The following ZFP36L1 variants were observed in gnomAD, a reference collection of about 807,000 sequenced individuals.
The protein encoded by ZFP36L1 is mRNA decay activator protein ZFP36L1.
ZFP36L1 carries 4 observed loss-of-function variants against 16.7 expected under a neutral mutation model. That is an observed-to-expected ratio of 0.24 (90% CI 0.12 to 0.55). ZFP36L1 has a LOEUF of 0.55. ZFP36L1 is among the 20% of genes least tolerant of loss of function. ZFP36L1 has a pLI of 0.94. For missense variants in ZFP36L1, 311 were observed against 449.2 expected (o/e 0.69, Z 2.78); for synonymous variants, 220 against 190.8 (o/e 1.15, Z -1.26).
chr14:68,796,083 C>T, upstream of ZFP36L1: 1 of 1,357,544 alleles, frequency 7.4e-7, no homozygotes, highest in Non-Finnish European at 9.8e-7. Context: ...ACCTGCACTG[C>T]CGCTTCCGAC....
At chr14:68,792,695 T>C (rs1029277200) in intron 1 of ZFP36L1, among the ~76,000 whole-genome samples, 187 bp downstream of exon 1, 2 of 152,196 alleles carry the variant, frequency 1.3e-5, no homozygotes, top group Admixed American at 6.5e-5. Context: ...CCAGCAACTG[T>C]TGAAACTCAA....
intron 1 of ZFP36L1, chr14:68,791,242 T>G (rs575239381): frequency 1.8e-6 from 1 of 557,106 alleles, no homozygotes; most frequent in East Asian, 3.0e-5. Context: ...GCCTTTGCAA[T>G]TAGTCTTTTG....
Position 68,792,997 on chromosome 14 carries a change from G to A in ZFP36L1, c.-59C>T, listed in dbSNP as rs749380861. The A allele has an allele frequency of 1.2e-6, 2 of 1,610,482 alleles. No homozygotes were observed. The highest frequency in any genetic ancestry group is 1.7e-4 in the Middle Eastern group (1 of 6,038). On this transcript the variant is annotated 5_prime_UTR_variant, in exon 1 of 2. Transcript: ENST00000439696. ...TGGTGTGTCGCGAAGGTCCCGGTGC[G>A]GGGAAGGCGCAGCCTCTCCTGTCTG... is the stretch of plus-strand genomic sequence containing the variant.
rs1054528998 is a variant in ZFP36L1 at position 68,789,240 on chromosome 14, G to T, written c.*293C>A. ...TAAGGCTTAAGCCGGAAAAAAAAAG[G>T]CATCTACTGACAAAATATGGGACTT... is the stretch of plus-strand genomic sequence containing the variant. On this transcript the variant is annotated 3_prime_UTR_variant, in exon 2 of 2. Transcript: ENST00000439696. This position sits in a 1 kb window ranked among gnomAD's most constrained non-coding sequence, Gnocchi z 4.5. 4 of 386,188 alleles carry T rather than the reference G, an allele frequency of 1.0e-5. No individual in the cohort carries two copies. Among genetic ancestry groups the T allele is most frequent in the Non-Finnish European group, 1.4e-5 (3 of 212,508 alleles). 23.9% of individuals were successfully genotyped at this position (386,188 alleles called of 1,614,324 possible).
chr14:68,795,047 A>C (rs763627805), upstream of ZFP36L1, among the ~76,000 whole-genome samples: 5 of 152,138 alleles, frequency 3.3e-5, no homozygotes, highest in African/African-American at 4.8e-5. Context: ...CAAGCGCCAG[A>C]AAGGGAAATA....
rs529200428 is a variant in ZFP36L1 at position 68,792,944 on chromosome 14, G to A, written c.-6C>T. Reference sequence around the variant, plus strand: ...GACACGAGGGTGGTGGTCATCCTGTGCGTTCGCGCGAGCCAGGGGCGAGGA... The same window carrying A: ...GACACGAGGGTGGTGGTCATCCTGTACGTTCGCGCGAGCCAGGGGCGAGGA... On this transcript the variant is annotated 5_prime_UTR_variant, in exon 1 of 2. Coordinates refer to ENST00000439696, the MANE Select transcript of ZFP36L1 (RefSeq NM_004926.4). 1.9e-6 allele frequency: 3 copies of A among 1,613,922 alleles called. No individual in the cohort carries two copies. Among genetic ancestry groups the A allele is most frequent in the East Asian group, 2.2e-5 (1 of 44,848 alleles).
At chr14:68,795,763 A>G (rs754939888), upstream of ZFP36L1, 3 of 533,950 alleles carry the variant, frequency 5.6e-6, no homozygotes, top group Non-Finnish European at 1.2e-5. Context: ...CTCTATAATT[A>G]AACTCTTTTT....
intron 1 of ZFP36L1, 103 bp from the exon 2 acceptor site, chr14:68,790,595 G>A: frequency 6.8e-7 from 1 of 1,474,330 alleles, no homozygotes; most frequent in Non-Finnish European, 9.2e-7. Context: ...CTTTCTCAAA[G>A]AACTCATCTC....
chr14:68,793,898 T>C (rs1895180318), upstream of ZFP36L1: 2 of 984,736 alleles, frequency 2.0e-6, no homozygotes. Flanking sequence ...CGCGCTCGCT[T>C]TGCAGCCGGC....
intron 1 of ZFP36L1, among the ~76,000 whole-genome samples, chr14:68,792,242 C>G (rs1895098219): frequency 6.6e-6 from 1 of 150,828 alleles, no homozygotes; most frequent in East Asian, 2.0e-4. Context: ...CACAGGTAAG[C>G]GGGTCAACCT....
upstream of ZFP36L1, among the ~76,000 whole-genome samples, chr14:68,795,528 C>A (rs1215656940): frequency 6.6e-6 from 1 of 152,210 alleles, no homozygotes; most frequent in Non-Finnish European, 1.5e-5. Context: ...GCTGCGGGAC[C>A]GGCCAGGAGC....
chr14:68,795,807 T>C, upstream of ZFP36L1: 1 of 536,170 alleles, frequency 1.9e-6, no homozygotes, highest in South Asian at 1.4e-5. Flanking sequence ...TTTCGGGGAC[T>C]TTCCAAGGGT....
upstream of ZFP36L1, chr14:68,796,079 A>C (rs1242029067): frequency 4.4e-6 from 6 of 1,356,568 alleles, no homozygotes; most frequent in African/African-American, 1.5e-5. Context: ...CCTCACCTGC[A>C]CTGCCGCTTC....
chr14:68,792,212 G>A, intron 1 of ZFP36L1, among the ~76,000 whole-genome samples: 1 of 142,328 alleles, frequency 7.0e-6, no homozygotes, highest in African/African-American at 2.6e-5. Context: ...CGCAATCGAT[G>A]AGCCGCAATG....
chr14:68,795,346 CTTTAACTCCCGAGGG>C (rs1895221966), upstream of ZFP36L1, among the ~76,000 whole-genome samples: 1 of 138,584 alleles, frequency 7.2e-6, no homozygotes, highest in African/African-American at 2.6e-5. Context: ...GCCGGCTGGT[CTTTAACTCCCGAGGG>C]TTCGCGAAGC....
Position 68,789,975 on chromosome 14 carries a change from G to A in ZFP36L1, c.575C>T (p.Ser192Phe). 7.5e-6 allele frequency: 12 copies of A among 1,606,564 alleles called. No homozygotes were observed. The highest frequency in any genetic ancestry group is 1.0e-5 in the Non-Finnish European group (12 of 1,176,828). ...ATGCTGGAGGCGGGGACGGTCAGCGGAGAGGTCCCGGGCCCCGGCCAGGGC... is the reference window on the plus strand; with the variant it reads ...ATGCTGGAGGCGGGGACGGTCAGCGAAGAGGTCCCGGGCCCCGGCCAGGGC... ...RRALAGARDL[S>F]ADRPRLQHSF... is the part of the protein sequence containing the mutation. Residue 192 changes from serine (S) to phenylalanine (F), a missense_variant, in exon 2 of 2, where the codon TCC becomes TTC. By Grantham distance (155) the Ser-to-Phe change is radical. Coordinates refer to ENST00000439696, the MANE Select transcript of ZFP36L1 (RefSeq NM_004926.4). The surrounding 1 kb of genome is among the most constrained non-coding windows in gnomAD (Gnocchi z 4.5).
intron 1 of ZFP36L1, 86 bp from the exon 2 acceptor site, chr14:68,790,578 G>A: frequency 6.5e-7 from 1 of 1,534,470 alleles, no homozygotes; most frequent in African/African-American, 1.4e-5. Context: ...AATCACAAAC[G>A]CCCGCTCTTT....
intron 1 of ZFP36L1, among the ~76,000 whole-genome samples, chr14:68,791,555 G>GGGGACC (rs1895070810): frequency 6.6e-6 from 1 of 151,950 alleles, no homozygotes; most frequent in Non-Finnish European, 1.5e-5. Flanking sequence ...ATCAGCAGGG[G>GGGGACC]GGGACCGGGA....
upstream of ZFP36L1, chr14:68,793,170 GTTGA>G (rs1455794864): frequency 1.3e-5 from 16 of 1,200,932 alleles, no homozygotes; most frequent in Non-Finnish European, 1.6e-5. Context: ...GGAAAAAGAA[GTTGA>G]TTGACACTGG....
Sources: allele counts gnomAD v4.1 joint callset (sites outside exome capture counted in the v4.1 genomes callset), GRCh38; gene constraint gnomAD v4.1.1; non-coding constraint Gnocchi (gnomAD v3.1); transcripts MANE v1.5; gene names NCBI Gene and HGNC (gene_info 2026-07-23, HGNC 2026-07-21).